CAPZB: variants seen among roughly 807,000 people sequenced by gnomAD.
CAPZB encodes the protein F-actin-capping protein subunit beta.
CAPZB carries 2 observed loss-of-function variants against 38.1 expected under a neutral mutation model. The observed-to-expected ratio is 0.05, with a 90% CI of 0.02 to 0.17. The LOEUF (loss-of-function observed/expected upper bound fraction) is 0.17. CAPZB is among the 10% of genes least tolerant of loss of function. The pLI, the probability that CAPZB is intolerant of heterozygous loss-of-function variation, is 1.00. For missense variants in CAPZB, 161 were observed against 334.2 expected (o/e 0.48, Z 4.04); for synonymous variants, 107 against 127.4 (o/e 0.84, Z 1.08).
At chr1:19,428,809 G>A (rs1022543521) in intron 1 of CAPZB, among the ~76,000 whole-genome samples, 4 of 151,946 alleles carry the variant, frequency 2.6e-5, no homozygotes, top group Non-Finnish European at 5.9e-5. Flanking sequence ...AGACACAACC[G>A]AACAGTGAGA....
intron 1 of CAPZB, among the ~76,000 whole-genome samples, chr1:19,476,148 ACT>A (rs886233930): frequency 6.6e-6 from 1 of 151,682 alleles, no homozygotes. Context: ...ACAAAGTAAG[ACT>A]CTGTCTCTAA....
At chr1:19,464,943 G>C (rs1558286836) in intron 1 of CAPZB, among the ~76,000 whole-genome samples, 3 of 152,156 alleles carry the variant, frequency 2.0e-5, no homozygotes. Context: ...TTAGGGTGAG[G>C]AAACTGTTCT....
chr1:19,353,867 G>A (rs1453250024), intron 6 of CAPZB, among the ~76,000 whole-genome samples: 5 of 152,256 alleles, frequency 3.3e-5, no homozygotes, highest in Non-Finnish European at 5.9e-5. Context: ...GACGCCGTGT[G>A]CGGCTCTGCA....
Position 19,339,567 on chromosome 1 carries a change from T to A in CAPZB, c.782A>T (p.Asp261Val). The change falls in exon 9 of 9, where the codon GAC (aspartate) becomes GTC (valine). Residue 261 changes from aspartate (D) to valine (V), a missense_variant. Transcript: ENST00000264202. ...CTTTCTCTTCAAAGCCTCCACCAGG[T>A]CATTCTTCAGAGCTTCTTGTTTTGA... ...DKSKQEALKN[D>V]LVEALKRKQQ... 1.9e-6 allele frequency: 3 copies of A among 1,614,136 alleles called. No individual in the cohort carries two copies. Among genetic ancestry groups the A allele is most frequent in the Non-Finnish European group, 2.5e-6 (3 of 1,179,944 alleles).
intron 2 of CAPZB, among the ~76,000 whole-genome samples, chr1:19,387,636 C>T (rs2094211046): frequency 6.6e-6 from 1 of 152,238 alleles, no homozygotes; most frequent in African/African-American, 2.4e-5. Flanking sequence ...AATTTTTCCT[C>T]AATTACAGTA....
Position 19,453,641 on chromosome 1 carries a change from G to T in CAPZB, c.3+31795C>A, listed in dbSNP as rs563470810. ...CTTGTCTTCTCCTCCCACCTGGAAG[G>T]CCTCTCTCTCCTTCTAGGTCTTCCC... On this transcript the variant is annotated intron_variant, in intron 1 of 8. Coordinates refer to ENST00000264202, the MANE Select transcript of CAPZB (RefSeq NM_004930.5). 2.6e-4 allele frequency among the ~76,000 whole-genome samples: 39 copies of T among 152,216 alleles called. No individual in the cohort carries two copies. The South Asian group carries it at 8.1e-3, about 32-fold the overall frequency.
At chr1:19,447,344 T>C (rs530705302) in intron 1 of CAPZB, among the ~76,000 whole-genome samples, 4 of 135,530 alleles carry the variant, frequency 3.0e-5, no homozygotes, top group East Asian at 2.3e-4. Context: ...CTCAGCCTCC[T>C]GAGCAGCTGG....
rs372691572 is a variant in CAPZB, at chr1:19,470,093, T to C, written c.3+15343A>G. Among the ~76,000 whole-genome samples, 67 of 152,122 alleles carry C rather than the reference T, an allele frequency of 4.4e-4. No individual in the cohort carries two copies. In the East Asian group the frequency reaches 9.3e-3, roughly 21 times the overall value. ...AAATTGCTGGGTGCGGTAGAGCAAATCTGCAGTCCCAGCTACTCGGGAGGC... is the reference window on the plus strand; with the variant it reads ...AAATTGCTGGGTGCGGTAGAGCAAACCTGCAGTCCCAGCTACTCGGGAGGC... On this transcript the variant is annotated intron_variant, in intron 1 of 8. Coordinates refer to ENST00000264202, the MANE Select transcript of CAPZB (RefSeq NM_004930.5).
In CAPZB at chr1:19,478,777, G is replaced by A. The variant is rs570156622; in HGVS notation, c.3+6659C>T. 1.0e-3 allele frequency among the ~76,000 whole-genome samples: 154 copies of A among 152,292 alleles called. 1 individual carries two copies. In the South Asian group the frequency reaches 0.012, roughly 12 times the overall value. On this transcript the variant is annotated intron_variant, in intron 1 of 8. Transcript: ENST00000264202. ...TAGACATCCACGGAATGAATGACCC[G>A]ATGGAAAAAAATCACTAAAGGGAGC...
chr1:19,407,186 C>T (rs77180611), intron 2 of CAPZB, among the ~76,000 whole-genome samples: 1,915 of 152,268 alleles, frequency 0.013, 43 homozygotes, highest in African/African-American at 0.043. Flanking sequence ...ACTAAATGGC[C>T]AATCTGTTTC....
intron 1 of CAPZB, among the ~76,000 whole-genome samples, chr1:19,439,660 A>G (rs76397269): frequency 6.6e-6 from 1 of 152,178 alleles, no homozygotes; most frequent in African/African-American, 2.4e-5. Flanking sequence ...CATCCCTCAG[A>G]CACCTGAAGT....
At chr1:19,385,474 TGCCTGCTGC>T (rs776453984) in intron 3 of CAPZB, 22 bp downstream of exon 3, 2 of 1,611,402 alleles carry the variant, frequency 1.2e-6, no homozygotes, top group East Asian at 2.2e-5. Flanking sequence ...GTGCCTGCTG[TGCCTGCTGC>T]ATCCCCGGGG....
chr1:19,366,283 AATATATATAT>A (rs201882034), intron 4 of CAPZB, among the ~76,000 whole-genome samples: 7 of 60,504 alleles, frequency 1.2e-4, no homozygotes, highest in East Asian at 8.9e-4. Flanking sequence ...CGTGTCTTAA[AATATATATAT>A]ATATATATAT....
chr1:19,348,953 T>C (rs1274498635), intron 6 of CAPZB, among the ~76,000 whole-genome samples: 3 of 152,104 alleles, frequency 2.0e-5, no homozygotes, highest in Non-Finnish European at 4.4e-5. Context: ...CTCTGGCAAG[T>C]CATCCTGAGG....
chr1:19,442,350 G>A (rs567422507), intron 1 of CAPZB, among the ~76,000 whole-genome samples: 1 of 152,064 alleles, frequency 6.6e-6, no homozygotes, highest in East Asian at 1.9e-4. Flanking sequence ...GAGTGGGGGG[G>A]CGTGGAGTGA....
chr1:19,372,476 T>C (rs1023197362), intron 4 of CAPZB, among the ~76,000 whole-genome samples: 2 of 152,146 alleles, frequency 1.3e-5, no homozygotes, highest in East Asian at 1.9e-4. Flanking sequence ...GCAGGGAAGG[T>C]TTCCTATCTT....
chr1:19,398,093 G>A (rs1388360117), intron 2 of CAPZB, among the ~76,000 whole-genome samples: 1 of 152,136 alleles, frequency 6.6e-6, no homozygotes, highest in African/African-American at 2.4e-5. Context: ...AGGCAACCAT[G>A]GGCAATGGCA....
intron 1 of CAPZB, among the ~76,000 whole-genome samples, chr1:19,425,982 C>A (rs1045278885): frequency 6.6e-6 from 1 of 152,196 alleles, no homozygotes; most frequent in African/African-American, 2.4e-5. Flanking sequence ...AATGGGGCCA[C>A]AGGAGCAGGT....
chr1:19,481,933 C>A (rs575901873), intron 1 of CAPZB, among the ~76,000 whole-genome samples: 26 of 152,362 alleles, frequency 1.7e-4, no homozygotes, highest in Admixed American at 7.2e-4. Flanking sequence ...CTTGCATCCT[C>A]AGCACATAAG....
Sources: gnomAD v4.1 joint callset for allele counts (sites outside exome capture counted in the v4.1 genomes callset) on GRCh38, gnomAD v4.1.1 for gene constraint, MANE v1.5 for transcripts, NCBI Gene and HGNC (gene_info 2026-07-23, HGNC 2026-07-21) for gene names.